The following GPC5 variants were observed in gnomAD, a reference collection of about 807,000 sequenced individuals.
The protein encoded by GPC5 is glypican-5.
A neutral mutation model predicts 53.9 loss-of-function variants in GPC5; 47 were observed. That is an observed-to-expected ratio of 0.87 (90% CI 0.69 to 1.11). The LOEUF (loss-of-function observed/expected upper bound fraction) is 1.11. GPC5 is among the 50% of genes most tolerant of loss of function. The pLI is 0.00. For synonymous variants in GPC5, 286 were observed against 263.3 expected (o/e 1.09, Z -0.84); for missense variants, 748 against 713.1 (o/e 1.05, Z -0.56).
rs568994519 is a variant in GPC5, at chr13:92,072,471, T to C, written c.1402-72359T>C. Among the ~76,000 whole-genome samples the C allele has an allele frequency of 2.0e-3, 305 of 152,040 alleles. 2 individuals carry two copies. Among genetic ancestry groups the C allele is most frequent in the African/African-American group, 6.9e-3 (288 of 41,488 alleles). On this transcript the variant is annotated intron_variant, in intron 6 of 7. Transcript: ENST00000377067. ...TAGTGGAGACGGGGTTTCACCATATTGGCCAGGCTGGTCTCGAACTCCTGA... is the reference window on the plus strand; with the variant it reads ...TAGTGGAGACGGGGTTTCACCATATCGGCCAGGCTGGTCTCGAACTCCTGA...
intron 3 of GPC5, among the ~76,000 whole-genome samples, chr13:91,708,465 A>G (rs1208502244): frequency 6.6e-6 from 1 of 152,208 alleles, no homozygotes; most frequent in Non-Finnish European, 1.5e-5. Flanking sequence ...TGAAATGTCC[A>G]GGACAGCAAA....
At chr13:91,632,260 C>G (rs1477682711) in intron 2 of GPC5, among the ~76,000 whole-genome samples, 1 of 152,056 alleles carries the variant, frequency 6.6e-6, no homozygotes, top group African/African-American at 2.4e-5. Flanking sequence ...CAAGATGACA[C>G]ATTTACCGTG....
At chr13:92,790,502 T>C (rs942413017) in intron 7 of GPC5, among the ~76,000 whole-genome samples, 35 of 152,018 alleles carry the variant, frequency 2.3e-4, no homozygotes, top group African/African-American at 7.7e-4. Flanking sequence ...CAGCTAAAAT[T>C]GTTTGTTTTT....
chr13:92,548,546 AGAG>A (rs1566287956), intron 7 of GPC5, among the ~76,000 whole-genome samples: 2 of 152,002 alleles, frequency 1.3e-5, no homozygotes, highest in Non-Finnish European at 2.9e-5. Flanking sequence ...TTCACACACA[AGAG>A]CTTTAAAAAT....
intron 6 of GPC5, among the ~76,000 whole-genome samples, chr13:92,039,967 T>C (rs1458538388): frequency 1.3e-5 from 2 of 152,154 alleles, no homozygotes; most frequent in African/African-American, 4.8e-5. Flanking sequence ...GTAATATCGT[T>C]TGAATCATAA....
chr13:92,164,511 G>C (rs1593949928), intron 7 of GPC5, among the ~76,000 whole-genome samples: 1 of 152,214 alleles, frequency 6.6e-6, no homozygotes, highest in South Asian at 2.1e-4. Context: ...ACTGATGCAA[G>C]AGGTGGGTTC....
At chr13:91,477,995 C>A (rs1204597744) in intron 2 of GPC5, among the ~76,000 whole-genome samples, 1 of 151,352 alleles carries the variant, frequency 6.6e-6, no homozygotes, top group Non-Finnish European at 1.5e-5. Flanking sequence ...GTGTTTTTTT[C>A]ATGTAGAACA....
chr13:91,890,487 T>C (rs2039373320), intron 5 of GPC5, among the ~76,000 whole-genome samples: 1 of 152,142 alleles, frequency 6.6e-6, no homozygotes, highest in African/African-American at 2.4e-5. Flanking sequence ...TTGGGGGCAG[T>C]AAATGGTTAC....
intron 7 of GPC5, among the ~76,000 whole-genome samples, chr13:92,678,904 G>A (rs1431672212): frequency 1.3e-5 from 2 of 152,168 alleles, no homozygotes; most frequent in African/African-American, 4.8e-5. Context: ...TTAAAGTAGA[G>A]TTGAGAGGAT....
intron 7 of GPC5, among the ~76,000 whole-genome samples, chr13:92,766,810 T>A (rs1029598655): frequency 5.9e-5 from 9 of 152,262 alleles, no homozygotes; most frequent in African/African-American, 2.2e-4. Flanking sequence ...TTCAATTGAC[T>A]AGTTCAATTT....
intron 7 of GPC5, among the ~76,000 whole-genome samples, chr13:92,840,758 T>TGTGTCTTC (rs1346557296): frequency 4.6e-5 from 7 of 152,164 alleles, no homozygotes; most frequent in Non-Finnish European, 1.0e-4. Flanking sequence ...TCCATTTATT[T>TGTGTCTTC]GTGTCTTCCT....
intron 1 of GPC5, among the ~76,000 whole-genome samples, chr13:91,428,710 G>A (rs1191958521): frequency 1.3e-5 from 2 of 151,666 alleles, no homozygotes; most frequent in Non-Finnish European, 1.5e-5. Flanking sequence ...TTTAAATCTC[G>A]AAATTCAAGA....
chr13:91,525,155 T>C (rs1011500548), intron 2 of GPC5, among the ~76,000 whole-genome samples: 1 of 152,236 alleles, frequency 6.6e-6, no homozygotes, highest in African/African-American at 2.4e-5. Context: ...TATGTATTTT[T>C]CACTTGGAAA....
At chr13:91,983,345 C>T (rs59625704) in intron 6 of GPC5, among the ~76,000 whole-genome samples, 60,532 of 147,602 alleles carry the variant, frequency 0.41, 13,997 homozygotes, top group East Asian at 0.75. Context: ...GACCCTGTCT[C>T]AAAAAAAAAA....
At chr13:92,250,375 G>A (rs2042684027) in intron 7 of GPC5, among the ~76,000 whole-genome samples, 3 of 152,096 alleles carry the variant, frequency 2.0e-5, no homozygotes, top group Admixed American at 2.0e-4. Flanking sequence ...AACCTGTAAT[G>A]AAAACTTATA....
chr13:92,593,273 TG>T (rs1425194350), intron 7 of GPC5, among the ~76,000 whole-genome samples: 4 of 151,218 alleles, frequency 2.6e-5, no homozygotes, highest in African/African-American at 9.7e-5. Context: ...GCTGGTTCCA[TG>T]GTGGAAACGT....
At chr13:92,440,641 A>G (rs1052756938) in intron 7 of GPC5, among the ~76,000 whole-genome samples, 1 of 152,184 alleles carries the variant, frequency 6.6e-6, no homozygotes, top group Non-Finnish European at 1.5e-5. Flanking sequence ...GGGTAGAATA[A>G]TAGTTCAGCT....
chr13:91,437,625 C>G (rs1487241679), intron 1 of GPC5, among the ~76,000 whole-genome samples: 1 of 152,182 alleles, frequency 6.6e-6, no homozygotes, highest in African/African-American at 2.4e-5. Flanking sequence ...GTGAATCTGA[C>G]AATTATGTGT....
At chr13:92,667,716 G>A (rs1409988056) in intron 7 of GPC5, among the ~76,000 whole-genome samples, 2 of 152,122 alleles carry the variant, frequency 1.3e-5, no homozygotes, top group East Asian at 1.9e-4. Flanking sequence ...GGTATTTGCG[G>A]ACACGCTTGA....
Sources: gnomAD v4.1 joint callset for allele counts (sites outside exome capture counted in the v4.1 genomes callset) on GRCh38, gnomAD v4.1.1 for gene constraint, MANE v1.5 for transcripts, NCBI Gene and HGNC (gene_info 2026-07-23, HGNC 2026-07-21) for gene names.